The following PABPC4L variants were observed in gnomAD, a reference collection of about 807,000 sequenced individuals.
The protein encoded by PABPC4L is polyadenylate-binding protein 4-like.
For synonymous variants in PABPC4L, 169 were observed against 164.1 expected (o/e 1.03, Z -0.23); for missense variants, 452 against 451.4 (o/e 1.00, Z -0.01).
chr4:133,956,066 A>T, the PABPC4L span, among the ~76,000 whole-genome samples: 23 of 152,164 alleles, frequency 1.5e-4, no homozygotes, highest in Non-Finnish European at 2.8e-4. Flanking sequence ...ATTAAAAAAA[A>T]ATGAGGGATT....
the PABPC4L span, among the ~76,000 whole-genome samples, chr4:134,043,914 G>C: frequency 3.0e-4 from 45 of 151,968 alleles, no homozygotes; most frequent in African/African-American, 1.0e-3. Flanking sequence ...ATGTGTGTGT[G>C]TGTGTGTGTG....
At chr4:134,076,543 A>C in the PABPC4L span, among the ~76,000 whole-genome samples, 1 of 152,138 alleles carries the variant, frequency 6.6e-6, no homozygotes, top group Non-Finnish European at 1.5e-5. Flanking sequence ...AAAAGGAAGG[A>C]GTCAAAATTA....
In PABPC4L at chr4:134,200,599, A is replaced by G. The variant is rs1729829535; in HGVS notation, c.421T>C (p.Phe141Leu). ...GCACTCTGGTTCTGAAAGTGCACAA[A>G]TGCATAGCCCTTGGAGCCTTGATCA... ...SDDQGSKGYA[F>L]VHFQNQSAAD... Residue 141 changes from phenylalanine to leucine, a missense_variant, in exon 2 of 2, where the codon TTT (phenylalanine) becomes CTT (leucine). By Grantham distance (22) the Phe-to-Leu change is conservative (BLOSUM62 0). Coordinates refer to ENST00000421491, the MANE Select transcript of PABPC4L (RefSeq NM_001114734.2). The G allele has an allele frequency of 6.4e-7, 1 of 1,551,576 alleles. No homozygotes were observed. The highest frequency in any genetic ancestry group is 1.4e-5 in the African/African-American group (1 of 73,132).
the PABPC4L span, among the ~76,000 whole-genome samples, chr4:133,994,932 C>G: frequency 6.6e-6 from 1 of 152,152 alleles, no homozygotes; most frequent in African/African-American, 2.4e-5. Flanking sequence ...GCAGTGGGCC[C>G]CAGATCCCGG....
At chr4:134,026,106 C>T in the PABPC4L span, among the ~76,000 whole-genome samples, 1 of 152,126 alleles carries the variant, frequency 6.6e-6, no homozygotes. Context: ...GTCTGTCACC[C>T]TGGTGTTTGA....
At chr4:134,117,479 T>C in the PABPC4L span, among the ~76,000 whole-genome samples, 1 of 151,844 alleles carries the variant, frequency 6.6e-6, no homozygotes, top group South Asian at 2.1e-4. Flanking sequence ...AGCAGCCATC[T>C]ATCTGCAACC....
chr4:133,961,093 A>T, the PABPC4L span, among the ~76,000 whole-genome samples: 1 of 152,174 alleles, frequency 6.6e-6, no homozygotes, highest in African/African-American at 2.4e-5. Flanking sequence ...ACCTCCCAGC[A>T]GGATACCAAC....
the PABPC4L span, among the ~76,000 whole-genome samples, chr4:134,022,628 A>G: frequency 6.6e-6 from 1 of 151,774 alleles, no homozygotes; most frequent in Non-Finnish European, 1.5e-5. Context: ...ATATAATAAT[A>G]TAGTAACTCG....
At chr4:134,085,249 T>C in the PABPC4L span, among the ~76,000 whole-genome samples, 73,643 of 151,618 alleles carry the variant, frequency 0.49, 18,793 homozygotes, top group East Asian at 0.94. Flanking sequence ...TTCATAAACT[T>C]TTATAAATTT....
At chr4:134,161,639 C>A in the PABPC4L span, among the ~76,000 whole-genome samples, 1 of 152,086 alleles carries the variant, frequency 6.6e-6, no homozygotes, top group Non-Finnish European at 1.5e-5. Flanking sequence ...ATTTCATCAA[C>A]AGCAGACTTG....
chr4:133,963,773 C>A, the PABPC4L span, among the ~76,000 whole-genome samples: 4 of 152,114 alleles, frequency 2.6e-5, no homozygotes, highest in Admixed American at 1.3e-4. Context: ...ATTCTTCAAA[C>A]TGAATGACAA....
At chr4:134,120,980 CT>C in the PABPC4L span, among the ~76,000 whole-genome samples, 2 of 151,060 alleles carry the variant, frequency 1.3e-5, no homozygotes, top group African/African-American at 4.8e-5. Context: ...GTCTCATATT[CT>C]TTTTAGTGCT....
At chr4:134,149,967 T>C in the PABPC4L span, among the ~76,000 whole-genome samples, 1 of 152,002 alleles carries the variant, frequency 6.6e-6, no homozygotes, top group Non-Finnish European at 1.5e-5. Flanking sequence ...AGGGAGCCCA[T>C]ATTGGGCCCA....
At chr4:134,093,571 C>CT in the PABPC4L span, among the ~76,000 whole-genome samples, 101,805 of 144,004 alleles carry the variant, frequency 0.71, 36,270 homozygotes, top group East Asian at 0.95. Flanking sequence ...TTTTCTTTCT[C>CT]TTTTTTTTTT....
At chr4:134,170,683 AAG>A in the PABPC4L span, among the ~76,000 whole-genome samples, 2 of 152,158 alleles carry the variant, frequency 1.3e-5, no homozygotes, top group African/African-American at 4.8e-5. Flanking sequence ...GAACAGCACC[AAG>A]AGGATGACAA....
At chr4:134,045,380 A>G in the PABPC4L span, among the ~76,000 whole-genome samples, 1 of 152,166 alleles carries the variant, frequency 6.6e-6, no homozygotes, top group South Asian at 2.1e-4. Context: ...TTGGAAGTGC[A>G]TAGGAAGTAA....
At chr4:134,185,507 C>T in the PABPC4L span, among the ~76,000 whole-genome samples, 3 of 152,090 alleles carry the variant, frequency 2.0e-5, no homozygotes, top group Admixed American at 2.0e-4. Context: ...TAAAAACTCT[C>T]AATAAACTAG....
chr4:133,981,545 CA>C, the PABPC4L span, among the ~76,000 whole-genome samples: 17,629 of 152,004 alleles, frequency 0.12, 1,118 homozygotes, highest in Admixed American at 0.2. Flanking sequence ...TTTATCTTAA[CA>C]GGGGGAAAAA....
At chr4:134,074,869 A>T in the PABPC4L span, among the ~76,000 whole-genome samples, 1 of 152,120 alleles carries the variant, frequency 6.6e-6, no homozygotes, top group Admixed American at 6.5e-5. Flanking sequence ...TGGCCCCATG[A>T]TTCAATTACC....
Sources: allele counts gnomAD v4.1 joint callset (sites outside exome capture counted in the v4.1 genomes callset), GRCh38; gene constraint gnomAD v4.1.1; transcripts MANE v1.5; gene names NCBI Gene and HGNC (gene_info 2026-07-23, HGNC 2026-07-21).